Variants in GRIP2 observed in about 807,000 individuals in gnomAD.
GRIP2 encodes glutamate receptor-interacting protein 2.
GRIP2 carries 58 observed loss-of-function variants against 108.3 expected under a neutral mutation model. That is an observed-to-expected ratio of 0.54 (90% CI 0.43 to 0.67). The LOEUF is 0.67. Among genes scored for constraint, GRIP2 ranks in the 30% least tolerant of loss-of-function variants. The probability of loss-of-function intolerance (pLI) is 0.00; values close to 1 mark genes in which losing one functional copy is unlikely to be tolerated. For synonymous variants in GRIP2, 586 were observed against 598.2 expected, an observed-to-expected ratio of 0.98 and a Z score of 0.30; for missense variants, 1,278 against 1,430.6, an observed-to-expected ratio of 0.89 and a Z score of 1.72.
chr3:14,524,687 G>A, intron 3 of GRIP2, 149 bp from the exon 4 acceptor site: 3 of 883,458 alleles, frequency 3.4e-6, no homozygotes, highest in Middle Eastern at 2.3e-4. Context: ...TCAGACAGTT[G>A]TCCAGGGTCA....
At chr3:14,590,609 G>A in the GRIP2 span, among the ~76,000 whole-genome samples, 3 of 152,170 alleles carry the variant, frequency 2.0e-5, no homozygotes, top group East Asian at 1.9e-4. Flanking sequence ...TTCAGGGGTC[G>A]CCCTGCCTCC....
chr3:14,521,983 A>C lies in GRIP2; in HGVS notation c.567-196T>G. 7.3e-6 allele frequency: 4 copies of C among 548,036 alleles called. No homozygotes were observed. Among genetic ancestry groups the C allele is most frequent in the African/African-American group, 1.9e-5 (1 of 51,676 alleles). The allele number at this position is 548,036 out of a possible 1,614,324, so 33.9% of individuals were successfully genotyped here. ...CACTCCAGGAGTGGGGAGCTGCATAAAGCAAGGGGGGGATGAAGACAGGAT... is the reference window on the plus strand; with the variant it reads ...CACTCCAGGAGTGGGGAGCTGCATACAGCAAGGGGGGGATGAAGACAGGAT... On this transcript the variant is annotated intron_variant, in intron 6 of 23. Transcript: ENST00000621039. This position sits in a 1 kb window ranked among gnomAD's most constrained non-coding sequence, Gnocchi z 5.1.
intron 1 of GRIP2, chr3:14,530,961 ATTCT>A (rs1216370783): frequency 1.3e-5 from 2 of 152,110 alleles, no homozygotes; most frequent in Non-Finnish European, 2.9e-5. Context: ...GGTCTTATTC[ATTCT>A]TTCTATTTTT....
At chr3:14,602,249 A>C in the GRIP2 span, 4 of 151,664 alleles carry the variant, frequency 2.6e-5, no homozygotes, top group South Asian at 6.2e-4. The surrounding 1 kb of genome is among the most constrained non-coding windows in gnomAD (Gnocchi z 4.7). Flanking sequence ...CCTCGCGGTC[A>C]GACAACAGGT....
At chr3:14,594,399 T>C in the GRIP2 span, among the ~76,000 whole-genome samples, 5 of 151,968 alleles carry the variant, frequency 3.3e-5, no homozygotes, top group Non-Finnish European at 5.9e-5. Flanking sequence ...AGCGGTGACG[T>C]GCTGCCACAC....
intron 1 of GRIP2, among the ~76,000 whole-genome samples, chr3:14,539,659 G>A (rs1008557659): frequency 6.6e-6 from 1 of 152,176 alleles, no homozygotes; most frequent in Non-Finnish European, 1.5e-5. Flanking sequence ...GCTGAGGCTG[G>A]AGAGACAGAT....
the GRIP2 span, chr3:14,573,087 A>G: frequency 7.1e-7 from 1 of 1,400,870 alleles, no homozygotes; most frequent in South Asian, 1.2e-5. Flanking sequence ...GAGGCCACTG[A>G]TGAACCCCGA....
chr3:14,583,439 C>G, the GRIP2 span, among the ~76,000 whole-genome samples: 6 of 152,214 alleles, frequency 3.9e-5, no homozygotes, highest in Non-Finnish European at 7.3e-5. Context: ...GGGGGCCCAC[C>G]ACCTCCCAGG....
At chr3:14,515,159 G>T (rs144021031) in intron 11 of GRIP2, among the ~76,000 whole-genome samples, 1 of 152,198 alleles carries the variant, frequency 6.6e-6, no homozygotes, top group Non-Finnish European at 1.5e-5. Context: ...CATTTTGCAG[G>T]TGTCAGAATT....
chr3:14,593,725 A>C, the GRIP2 span, among the ~76,000 whole-genome samples: 2 of 152,176 alleles, frequency 1.3e-5, no homozygotes, highest in African/African-American at 4.8e-5. Context: ...TGCTGCTGGC[A>C]TTTGGGGTGG....
At chr3:14,523,572 T>C (rs540986683) in intron 5 of GRIP2, 40 bp downstream of exon 5, 10 of 1,327,264 alleles carry the variant, frequency 7.5e-6, no homozygotes, top group Admixed American at 1.8e-5. Flanking sequence ...ATTAGCCTCT[T>C]TCTTGCTGCC....
intron 21 of GRIP2, among the ~76,000 whole-genome samples, chr3:14,500,468 A>G (rs1693735816): frequency 6.6e-6 from 1 of 152,248 alleles, no homozygotes; most frequent in South Asian, 2.1e-4. Context: ...TCACAGAGAA[A>G]GAAATCCTCA....
the GRIP2 span, among the ~76,000 whole-genome samples, chr3:14,585,272 C>T: frequency 1.1e-4 from 16 of 152,368 alleles, no homozygotes; most frequent in East Asian, 3.9e-4. Flanking sequence ...GCACCTGCCT[C>T]GGCCTCCCAA....
In GRIP2 at chr3:14,505,165, G is replaced by C. The variant is rs1343535587; in HGVS notation, c.2573+450C>G. ...CACGATGGGAGGGTGGCCTGGGCCA[G>C]ATGAGGAACAGCATTTCTCCACAGC... On this transcript the variant is annotated intron_variant, in intron 20 of 23. Coordinates refer to ENST00000621039, the MANE Select transcript of GRIP2 (RefSeq NM_001080423.4). This position sits in a 1 kb window ranked among gnomAD's most constrained non-coding sequence, Gnocchi z 4.2. Among the ~76,000 whole-genome samples the C allele has an allele frequency of 2.0e-5, 3 of 152,194 alleles. No individual in the cohort carries two copies. Among genetic ancestry groups the C allele is most frequent in the Non-Finnish European group, 4.4e-5 (3 of 68,042 alleles).
chr3:14,601,725 A>C, the GRIP2 span, among the ~76,000 whole-genome samples: 5 of 152,218 alleles, frequency 3.3e-5, no homozygotes, highest in African/African-American at 1.2e-4. Flanking sequence ...CAGGAGGGGC[A>C]GGGACCAGCT....
intron 1 of GRIP2, among the ~76,000 whole-genome samples, chr3:14,553,606 A>C (rs2124982928): frequency 6.6e-6 from 1 of 152,330 alleles, no homozygotes; most frequent in African/African-American, 2.4e-5. Context: ...CATGTGGCTC[A>C]GGGACCTCCG....
intron 2 of GRIP2, 67 bp downstream of exon 2, chr3:14,525,784 T>C: frequency 6.8e-7 from 1 of 1,474,732 alleles, no homozygotes; most frequent in South Asian, 1.2e-5. Flanking sequence ...CGTTGCCATC[T>C]GACCCCCACC....
chr3:14,515,980 T>C (rs893793068), intron 11 of GRIP2, among the ~76,000 whole-genome samples: 1 of 152,162 alleles, frequency 6.6e-6, no homozygotes, highest in African/African-American at 2.4e-5. Context: ...CATTCAGTAC[T>C]ATGCCCCATA....
chr3:14,506,665 C>G (rs1693935851), intron 19 of GRIP2, 136 bp downstream of exon 19: 1 of 807,630 alleles, frequency 1.2e-6, no homozygotes, highest in African/African-American at 1.7e-5. Context: ...GGTCTTCCTT[C>G]AGGAAGGGCC....
Sources: allele counts gnomAD v4.1 joint callset (sites outside exome capture counted in the v4.1 genomes callset), GRCh38; gene constraint gnomAD v4.1.1; non-coding constraint Gnocchi (gnomAD v3.1); transcripts MANE v1.5; gene names NCBI Gene and HGNC (gene_info 2026-07-23, HGNC 2026-07-21).